DOCK3: variants seen among roughly 807,000 people sequenced by gnomAD.
The protein encoded by DOCK3 is dedicator of cytokinesis protein 3.
In DOCK3, 60 loss-of-function variants were observed where a neutral mutation model predicts 265.6. The observed-to-expected ratio is 0.23, with a 90% CI of 0.18 to 0.28. DOCK3 has a LOEUF of 0.28. Ranked by LOEUF, DOCK3 falls within the 10% of genes least tolerant of loss-of-function variation. The pLI is 1.00. For missense variants in DOCK3, 1,981 were observed against 2,594.3 expected (o/e 0.76, Z 5.14); for synonymous variants, 881 against 938.0 (o/e 0.94, Z 1.11).
At chr3:51,170,670 C>T (rs886392574) in intron 12 of DOCK3, among the ~76,000 whole-genome samples, 2 of 152,064 alleles carry the variant, frequency 1.3e-5, no homozygotes, top group African/African-American at 4.8e-5. Flanking sequence ...GTCAGCCGGG[C>T]GCGGTGGCTC....
chr3:51,133,014 G>A (rs2084629476), intron 9 of DOCK3, among the ~76,000 whole-genome samples: 1 of 152,098 alleles, frequency 6.6e-6, no homozygotes, highest in African/African-American at 2.4e-5. Context: ...TGCCAGGCAG[G>A]ATAATGTTGA....
At chr3:50,839,151 C>T (rs1263672599) in intron 2 of DOCK3, among the ~76,000 whole-genome samples, 1 of 152,214 alleles carries the variant, frequency 6.6e-6, no homozygotes, top group Middle Eastern at 3.2e-3. Context: ...AGTGTCTTCT[C>T]ATGGCTTGTT....
chr3:51,274,886 A>G (rs1220360261), intron 24 of DOCK3, among the ~76,000 whole-genome samples, 193 bp from the exon 25 acceptor site: 1 of 152,142 alleles, frequency 6.6e-6, no homozygotes, highest in African/African-American at 2.4e-5. Context: ...TGGAAGAATA[A>G]TGTCATGTGA....
intron 5 of DOCK3, among the ~76,000 whole-genome samples, chr3:50,966,323 A>G (rs1030755360): frequency 1.3e-5 from 2 of 152,100 alleles, no homozygotes; most frequent in African/African-American, 4.8e-5. Flanking sequence ...TTGGGTATAT[A>G]CCCAGAAGTG....
intron 2 of DOCK3, among the ~76,000 whole-genome samples, chr3:50,828,014 C>T (rs985538873): frequency 5.3e-5 from 8 of 150,860 alleles, no homozygotes; most frequent in African/African-American, 7.3e-5. Flanking sequence ...GGTGCGATCT[C>T]GGCTCACTGC....
chr3:51,062,238 A>G (rs866277992), intron 5 of DOCK3, among the ~76,000 whole-genome samples: 1 of 152,158 alleles, frequency 6.6e-6, no homozygotes, highest in Non-Finnish European at 1.5e-5. Flanking sequence ...TCTTGCTTAG[A>G]ATAAAAGCCA....
At chr3:51,302,350 C>T (rs2082402723) in intron 27 of DOCK3, among the ~76,000 whole-genome samples, 1 of 152,182 alleles carries the variant, frequency 6.6e-6, no homozygotes, top group Non-Finnish European at 1.5e-5. Flanking sequence ...CTCTCGAATA[C>T]AGCACACCAA....
In DOCK3 at chr3:50,965,656, C is replaced by T. The variant is rs563294180; in HGVS notation, c.315+31579C>T. Among the ~76,000 whole-genome samples the T allele has an allele frequency of 3.9e-5, 6 of 152,124 alleles. No homozygotes were observed. The South Asian group carries it at 1.2e-3, about 32-fold the overall frequency. On this transcript the variant is annotated intron_variant, in intron 5 of 52. Coordinates refer to ENST00000266037, the MANE Select transcript of DOCK3 (RefSeq NM_004947.5). ...CAAATAAAACTAATTTTTAGTTTAACGCTTTCTTACAAGGAAAACTTCAGT... is the reference window on the plus strand; with the variant it reads ...CAAATAAAACTAATTTTTAGTTTAATGCTTTCTTACAAGGAAAACTTCAGT...
intron 1 of DOCK3, among the ~76,000 whole-genome samples, chr3:50,728,408 G>A (rs1433976335): frequency 6.6e-6 from 1 of 151,966 alleles, no homozygotes; most frequent in Non-Finnish European, 1.5e-5. Context: ...ACTAGAAATA[G>A]AATGGTATGT....
At chr3:50,701,857 T>C (rs996298209) in intron 1 of DOCK3, among the ~76,000 whole-genome samples, 1 of 152,202 alleles carries the variant, frequency 6.6e-6, no homozygotes, top group African/African-American at 2.4e-5. Context: ...GCACCTTTGT[T>C]GAAAATCAGT....
intron 2 of DOCK3, among the ~76,000 whole-genome samples, chr3:50,814,236 AAAATT>A (rs2043933999): frequency 6.6e-6 from 1 of 152,148 alleles, no homozygotes; most frequent in South Asian, 2.1e-4. Context: ...TAACCATGAT[AAAATT>A]ATTAAAAGGA....
chr3:51,109,171 C>T (rs1332932146), intron 9 of DOCK3, among the ~76,000 whole-genome samples: 1 of 152,128 alleles, frequency 6.6e-6, no homozygotes, highest in African/African-American at 2.4e-5. Context: ...GTCACATCAA[C>T]CACTTTCTCA....
In DOCK3 at chr3:50,974,719, A is replaced by G. The variant is rs1340211286; in HGVS notation, c.315+40642A>G. ...GATGGGGATGGCATTGAATCTATAA[A>G]TTACCTTGGGCAGTATGGCCATTTT... is the stretch of plus-strand genomic sequence containing the variant. On this transcript the variant is annotated intron_variant, in intron 5 of 52. Transcript: ENST00000266037. Among the ~76,000 whole-genome samples, 33 of 109,436 alleles carry G rather than the reference A, an allele frequency of 3.0e-4. 1 individual carries two copies. Among genetic ancestry groups the G allele is most frequent in the African/African-American group, 9.9e-4 (31 of 31,202 alleles). The allele number at this position is 109,436 out of a possible 152,430, so 71.8% of individuals were successfully genotyped here.
chr3:51,273,235 A>C (rs1285913662), intron 24 of DOCK3, among the ~76,000 whole-genome samples: 1 of 152,048 alleles, frequency 6.6e-6, no homozygotes. Context: ...TCTCACTGAC[A>C]TACTTTATTT....
chr3:51,156,698 A>G (rs965396622), intron 10 of DOCK3, among the ~76,000 whole-genome samples: 1 of 152,206 alleles, frequency 6.6e-6, no homozygotes, highest in African/African-American at 2.4e-5. Flanking sequence ...TGTGTACATG[A>G]TTGTCAGAAA....
At chr3:51,195,946 T>G (rs2107912598) in intron 12 of DOCK3, among the ~76,000 whole-genome samples, 1 of 151,430 alleles carries the variant, frequency 6.6e-6, no homozygotes, top group Non-Finnish European at 1.5e-5. Context: ...TTGTTTTTTG[T>G]TTTTTTTGAA....
At chr3:50,773,434 G>A (rs2041403097) in intron 1 of DOCK3, among the ~76,000 whole-genome samples, 1 of 152,046 alleles carries the variant, frequency 6.6e-6, no homozygotes, top group African/African-American at 2.4e-5. Context: ...GAAATGTAAA[G>A]TTTACATAGG....
intron 5 of DOCK3, among the ~76,000 whole-genome samples, chr3:51,053,154 G>T: frequency 8.9e-6 from 1 of 112,958 alleles, no homozygotes; most frequent in Admixed American, 1.0e-4. Flanking sequence ...AGACTACTTG[G>T]CATTGAACAA....
intron 9 of DOCK3, among the ~76,000 whole-genome samples, chr3:51,131,851 C>T (rs1448726398): frequency 6.6e-6 from 1 of 152,170 alleles, no homozygotes; most frequent in Non-Finnish European, 1.5e-5. Context: ...GACTGTGGTT[C>T]CCACTGTTAG....
Sources: allele counts gnomAD v4.1 joint callset (sites outside exome capture counted in the v4.1 genomes callset), GRCh38; gene constraint gnomAD v4.1.1; transcripts MANE v1.5; gene names NCBI Gene and HGNC (gene_info 2026-07-23, HGNC 2026-07-21).